THNSL1: variants seen among roughly 807,000 people sequenced by gnomAD.
The protein encoded by THNSL1 is threonine synthase-like 1.
THNSL1 carries 48 observed loss-of-function variants against 50.4 expected under a neutral mutation model. The ratio of observed to expected loss-of-function variants is 0.95; its 90% CI spans 0.76 to 1.21. The LOEUF is 1.21. THNSL1 is among the 50% of genes most tolerant of loss of function. THNSL1 has a pLI of 0.00. For missense variants in THNSL1, 896 were observed against 871.7 expected, an observed-to-expected ratio of 1.03 and a Z score of -0.35; for synonymous variants, 309 against 306.1, an observed-to-expected ratio of 1.01 and a Z score of -0.10.
the THNSL1 span, chr10:24,990,675 C>G: frequency 7.0e-7 from 1 of 1,427,520 alleles, no homozygotes; most frequent in Non-Finnish European, 9.5e-7. Flanking sequence ...GGGTACGTAT[C>G]AACTGATGAT....
At chr10:25,015,767 TTTA>T (rs1421018935), upstream of THNSL1, 5 of 1,162,848 alleles carry the variant, frequency 4.3e-6, no homozygotes, top group South Asian at 2.4e-5. Context: ...ATACATTTTA[TTTA>T]TTATTAAAAA....
At chr10:24,956,347 A>G in the THNSL1 span, among the ~76,000 whole-genome samples, 1 of 152,126 alleles carries the variant, frequency 6.6e-6, no homozygotes, top group Non-Finnish European at 1.5e-5. Flanking sequence ...TATACCTTTG[A>G]AAGAGCTATA....
the THNSL1 span, chr10:24,984,287 A>C: frequency 6.8e-7 from 1 of 1,461,400 alleles, no homozygotes; most frequent in South Asian, 1.3e-5. Flanking sequence ...AATGTGTTGG[A>C]GACAGTTTAG....
the THNSL1 span, chr10:24,999,401 T>C: frequency 3.1e-6 from 5 of 1,600,320 alleles, no homozygotes; most frequent in African/African-American, 5.4e-5. Context: ...TAAAACCTAC[T>C]GGGTGGTAGA....
the THNSL1 span, among the ~76,000 whole-genome samples, chr10:25,008,807 G>A: frequency 1.4e-4 from 21 of 152,104 alleles, no homozygotes; most frequent in Non-Finnish European, 1.2e-4. Flanking sequence ...ACATGCACAC[G>A]TATGTTTATT....
At chr10:24,973,303 C>T in the THNSL1 span, among the ~76,000 whole-genome samples, 3 of 151,808 alleles carry the variant, frequency 2.0e-5, no homozygotes, top group Admixed American at 6.6e-5. Context: ...AATCTGACAG[C>T]CTCGTCGACT....
At chr10:24,953,725 C>T in the THNSL1 span, among the ~76,000 whole-genome samples, 2 of 152,300 alleles carry the variant, frequency 1.3e-5, no homozygotes, top group East Asian at 3.9e-4. Context: ...ATGCAGGCGT[C>T]TTTTGTTCAT....
the THNSL1 span, chr10:24,995,539 A>G: frequency 1.0e-6 from 1 of 991,228 alleles, no homozygotes; most frequent in African/African-American, 1.6e-5. Flanking sequence ...CAAAGTAGAC[A>G]ATGTGTCCAA....
At chr10:24,965,203 C>A in the THNSL1 span, among the ~76,000 whole-genome samples, 41 of 152,294 alleles carry the variant, frequency 2.7e-4, no homozygotes, top group African/African-American at 9.4e-4. Context: ...GATCTTGGGA[C>A]TCACAACCCT....
chr10:24,984,952 G>A, the THNSL1 span: 4 of 1,460,596 alleles, frequency 2.7e-6, no homozygotes, highest in African/African-American at 5.7e-5. Context: ...AACTGCAAAA[G>A]TAAAGGAAAT....
intron 1 of THNSL1, among the ~76,000 whole-genome samples, chr10:25,016,986 G>T (rs76554366): frequency 3.3e-5 from 5 of 152,252 alleles, no homozygotes; most frequent in Admixed American, 3.3e-4. Flanking sequence ...GTGCGCGCAC[G>T]GGGCCCGCGG....
At chr10:24,952,830 C>G in the THNSL1 span, among the ~76,000 whole-genome samples, 1 of 151,666 alleles carries the variant, frequency 6.6e-6, no homozygotes, top group Non-Finnish European at 1.5e-5. This position sits in a 1 kb window ranked among gnomAD's most constrained non-coding sequence, Gnocchi z 5.1. Context: ...TACCGCTCCC[C>G]CTGAGCGCGG....
chr10:24,967,775 A>G, the THNSL1 span, among the ~76,000 whole-genome samples: 12 of 150,982 alleles, frequency 7.9e-5, no homozygotes, highest in African/African-American at 2.9e-4. Flanking sequence ...CGATGTGTGT[A>G]TATGTATGTG....
chr10:25,023,732 CAGAT>C lies in THNSL1; in HGVS notation c.512_515del (p.Asp171GlyfsTer3), dbSNP rs755536758. 1,125 of 1,613,650 alleles carry C rather than the reference CAGAT, an allele frequency of 7.0e-4. 1 individual carries two copies. Among genetic ancestry groups the C allele is most frequent in the Non-Finnish European group, 9.2e-4 (1,087 of 1,179,950 alleles). Reference sequence around the variant, plus strand: ...ATTTGTCGTCTAAAATTAATGAAGACAGATAGGATTGTAGGTCAGAATTCTGGAA... The same window carrying C: ...ATTTGTCGTCTAAAATTAATGAAGACAGGATTGTAGGTCAGAATTCTGGAA... On this transcript the variant is annotated frameshift_variant, in exon 3 of 3. Coordinates refer to ENST00000376356, the MANE Select transcript of THNSL1 (RefSeq NM_024838.5). LOFTEE classifies it high-confidence loss of function.
intron 2 of THNSL1, among the ~76,000 whole-genome samples, chr10:25,022,309 A>G (rs1346623186): frequency 2.6e-5 from 4 of 152,106 alleles, no homozygotes; most frequent in Non-Finnish European, 5.9e-5. Context: ...AACATTCCTG[A>G]GGTTCTTGGC....
the THNSL1 span, among the ~76,000 whole-genome samples, chr10:24,954,909 T>C: frequency 6.6e-6 from 1 of 152,232 alleles, no homozygotes; most frequent in Non-Finnish European, 1.5e-5. Flanking sequence ...TCTTGCATTA[T>C]GAGGATTTAG....
chr10:25,005,633 G>A, the THNSL1 span, among the ~76,000 whole-genome samples: 1 of 152,146 alleles, frequency 6.6e-6, no homozygotes, highest in Admixed American at 6.5e-5. Flanking sequence ...ATTTTTACAC[G>A]TACACAGATA....
the THNSL1 span, among the ~76,000 whole-genome samples, chr10:24,969,994 G>T: frequency 2.6e-5 from 4 of 152,336 alleles, no homozygotes; most frequent in East Asian, 1.9e-4. Context: ...CAGTGTTGTT[G>T]CTCCCCCATG....
upstream of THNSL1, chr10:25,015,886 G>C: frequency 1.2e-6 from 2 of 1,606,210 alleles, no homozygotes. Flanking sequence ...GCTCCTTCAA[G>C]TCACTGGGTA....
Sources: allele counts gnomAD v4.1 joint callset (sites outside exome capture counted in the v4.1 genomes callset), GRCh38; gene constraint gnomAD v4.1.1; non-coding constraint Gnocchi (gnomAD v3.1); transcripts MANE v1.5; gene names NCBI Gene and HGNC (gene_info 2026-07-23, HGNC 2026-07-21).